EVI5: variants seen among roughly 807,000 people sequenced by gnomAD.
EVI5 encodes ecotropic viral integration site 5, also known as ecotropic viral integration site 5 protein homolog.
EVI5 carries 73 observed loss-of-function variants against 112.0 expected under a neutral mutation model. The ratio of observed to expected loss-of-function variants is 0.65; its 90% CI spans 0.54 to 0.79. The LOEUF (loss-of-function observed/expected upper bound fraction) is 0.79, where lower values mean the gene tolerates loss of function less well. EVI5 is among the 30% of genes least tolerant of loss of function. The pLI, the probability that EVI5 is intolerant of heterozygous loss-of-function variation, is 0.00. For missense variants in EVI5, 900 were observed against 968.8 expected (o/e 0.93, Z 0.94); for synonymous variants, 305 against 319.9 (o/e 0.95, Z 0.50).
In EVI5 at chr1:92,596,218, G is replaced by A. The variant is rs966521509; in HGVS notation, c.2070+9089C>T. On this transcript the variant is annotated intron_variant, in intron 18 of 19. Coordinates refer to ENST00000684568, the MANE Select transcript of EVI5 (RefSeq NM_001350197.2). ...CAGAAAAAAAATACAAAAATTAGCC[G>A]GGCATGGTGGCATGTGCCTGTAGTC... is the stretch of plus-strand genomic sequence containing the variant. 5.9e-5 allele frequency among the ~76,000 whole-genome samples: 9 copies of A among 151,962 alleles called. No homozygotes were observed. In the East Asian group the frequency reaches 7.7e-4, roughly 13 times the overall value.
intron 2 of EVI5, among the ~76,000 whole-genome samples, chr1:92,720,059 A>G (rs1277947650): frequency 6.6e-6 from 1 of 152,126 alleles, no homozygotes; most frequent in Admixed American, 6.5e-5. Context: ...TTCCATGCTC[A>G]TGAATAGGAA....
intron 16 of EVI5, among the ~76,000 whole-genome samples, chr1:92,617,376 G>A (rs1354099611): frequency 1.0e-4 from 15 of 148,522 alleles, no homozygotes; most frequent in Admixed American, 1.0e-3. Context: ...TTGGAGAAGA[G>A]GTATGTGGAT....
intron 18 of EVI5, among the ~76,000 whole-genome samples, chr1:92,571,554 C>T (rs947659244): frequency 6.6e-6 from 1 of 151,994 alleles, no homozygotes; most frequent in African/African-American, 2.4e-5. Flanking sequence ...TAATTCAAAG[C>T]CTTTTAGGAT....
At chr1:92,696,628 T>C (rs1396009897) in intron 6 of EVI5, among the ~76,000 whole-genome samples, 3 of 151,172 alleles carry the variant, frequency 2.0e-5, no homozygotes, top group Admixed American at 6.6e-5. Flanking sequence ...CAGAGCTAGA[T>C]AGACTCTGTC....
chr1:92,574,217 G>A (rs757862771), intron 18 of EVI5, among the ~76,000 whole-genome samples: 2 of 152,124 alleles, frequency 1.3e-5, no homozygotes, highest in African/African-American at 2.4e-5. Flanking sequence ...AGACAAGATG[G>A]AATGTGCCCA....
At chr1:92,672,221 A>G (rs533308253) in intron 10 of EVI5, among the ~76,000 whole-genome samples, 53 of 152,320 alleles carry the variant, frequency 3.5e-4, no homozygotes, top group African/African-American at 1.3e-3. Context: ...TACTGAACTT[A>G]AATCACATTT....
At chr1:92,682,475 T>C (rs1667749954) in intron 9 of EVI5, among the ~76,000 whole-genome samples, 1 of 152,134 alleles carries the variant, frequency 6.6e-6, no homozygotes, top group Admixed American at 6.5e-5. Flanking sequence ...GAAACAACAG[T>C]CTTCGGCCAG....
rs190691048 is a variant in EVI5, at chr1:92,760,581, A to C, written c.-81-23954T>G. 2.1e-3 allele frequency among the ~76,000 whole-genome samples: 323 copies of C among 152,038 alleles called. 5 individuals are homozygous for C. The highest frequency in any genetic ancestry group is 7.5e-3 in the African/African-American group (311 of 41,476). On this transcript the variant is annotated intron_variant, in intron 1 of 19. Coordinates refer to ENST00000684568, the MANE Select transcript of EVI5 (RefSeq NM_001350197.2). ...ACTCTGTCTCTACTAAAAATACAAAAAAATTAGCTGGGTGTGGTGGCACAC... is the reference window on the plus strand; with the variant it reads ...ACTCTGTCTCTACTAAAAATACAAACAAATTAGCTGGGTGTGGTGGCACAC...
chr1:92,777,487 T>A (rs746050788), intron 1 of EVI5, among the ~76,000 whole-genome samples: 5 of 152,162 alleles, frequency 3.3e-5, no homozygotes, highest in Non-Finnish European at 5.9e-5. Context: ...AATCTTGAGA[T>A]TATAAGATCC....
chr1:92,619,196 A>G (rs1653941332), intron 16 of EVI5, among the ~76,000 whole-genome samples: 1 of 152,168 alleles, frequency 6.6e-6, no homozygotes, highest in Admixed American at 6.5e-5. Flanking sequence ...TGGGGTAGGC[A>G]GATCCACCCT....
At chr1:92,594,485 C>T (rs1268808356) in intron 18 of EVI5, among the ~76,000 whole-genome samples, 2 of 150,594 alleles carry the variant, frequency 1.3e-5, no homozygotes, top group African/African-American at 4.9e-5. Flanking sequence ...CTAGGCAATA[C>T]CATTCAGGAC....
chr1:92,592,063 G>T (rs1212988189), intron 18 of EVI5, among the ~76,000 whole-genome samples: 8 of 152,086 alleles, frequency 5.3e-5, no homozygotes, highest in Non-Finnish European at 1.2e-4. Flanking sequence ...CTAACATGGT[G>T]AAACCCCGTC....
chr1:92,754,627 G>A (rs1317940785), intron 1 of EVI5, among the ~76,000 whole-genome samples: 1 of 152,180 alleles, frequency 6.6e-6, no homozygotes, highest in Middle Eastern at 3.2e-3. Context: ...ATTGGCAAAA[G>A]TCCTCAGTTT....
At chr1:92,551,813 G>A (rs12133486) in intron 19 of EVI5, among the ~76,000 whole-genome samples, 1 of 151,856 alleles carries the variant, frequency 6.6e-6, no homozygotes, top group Non-Finnish European at 1.5e-5. Context: ...GTCACTACAG[G>A]CTTGATAGTT....
intron 14 of EVI5, among the ~76,000 whole-genome samples, chr1:92,629,570 T>C (rs1373154945): frequency 6.6e-6 from 1 of 152,224 alleles, no homozygotes; most frequent in African/African-American, 2.4e-5. Context: ...TGTAAGTACA[T>C]TCAGGCTAAA....
chr1:92,662,748 T>A lies in EVI5; in HGVS notation c.1363A>T (p.Ile455Phe). Residue 455 changes from isoleucine to phenylalanine, a missense_variant, in exon 13 of 20, where the codon ATC becomes TTC. Transcript: ENST00000684568. The part of the protein sequence containing the change: ...SAKLEQAENT[I>F]RKLQHQQQWH... ...TGTTGTTGGTGCTGGAGCTTCCTGATGGTATTTTCAGCTTGCTCCAGCTTA... is the reference window on the plus strand; with the variant it reads ...TGTTGTTGGTGCTGGAGCTTCCTGAAGGTATTTTCAGCTTGCTCCAGCTTA... 1 of 1,285,460 alleles carries A rather than the reference T, an allele frequency of 7.8e-7. No homozygotes were observed. The highest frequency in any genetic ancestry group is 1.2e-5 in the South Asian group (1 of 80,332). 79.6% of individuals were successfully genotyped at this position (1,285,460 alleles called of 1,614,324 possible).
At chr1:92,755,238 G>A (rs915859073) in intron 1 of EVI5, among the ~76,000 whole-genome samples, 3 of 151,714 alleles carry the variant, frequency 2.0e-5, no homozygotes, top group African/African-American at 4.8e-5. Flanking sequence ...TTGAAACCCC[G>A]TCTCCACTAA....
At position 92,742,675 on chromosome 1, in the gene EVI5, C is replaced by CA. The variant is rs1308447080; in HGVS notation, c.-81-6049dup. The stretch of plus-strand genomic sequence containing the variant: ...GCGACAAGACCAAAACTCTGTCTCA[C>CA]AAAAAAAAAAATTAAATTAAAATTA... On this transcript the variant is annotated intron_variant, in intron 1 of 19. Coordinates refer to ENST00000684568, the MANE Select transcript of EVI5 (RefSeq NM_001350197.2). Among the ~76,000 whole-genome samples, 60 of 133,704 alleles carry CA rather than the reference C, an allele frequency of 4.5e-4. 1 individual carries two copies. Among genetic ancestry groups the CA allele is most frequent in the Middle Eastern group, 3.9e-3 (1 of 254 alleles). 87.7% of individuals were successfully genotyped at this position (133,704 alleles called of 152,430 possible).
intron 1 of EVI5, among the ~76,000 whole-genome samples, chr1:92,737,957 G>C (rs968332036): frequency 6.6e-6 from 1 of 152,116 alleles, no homozygotes; most frequent in African/African-American, 2.4e-5. Context: ...ACTTCCTTTA[G>C]AAATGATATT....
Sources: gnomAD v4.1 joint callset for allele counts (sites outside exome capture counted in the v4.1 genomes callset) on GRCh38, gnomAD v4.1.1 for gene constraint, MANE v1.5 for transcripts, NCBI Gene and HGNC (gene_info 2026-07-23, HGNC 2026-07-21) for gene names.